The following TCTN2 variants were observed in gnomAD, a reference collection of about 807,000 sequenced individuals.
TCTN2 encodes tectonic family member 2, also known as tectonic-2.
A neutral mutation model predicts 83.4 loss-of-function variants in TCTN2; 66 were observed. The observed-to-expected ratio is 0.79, with a 90% CI of 0.65 to 0.97. The LOEUF is 0.97. Among genes scored for constraint, TCTN2 ranks in the 50% least tolerant of loss-of-function variants. The pLI is 0.00. For missense variants in TCTN2, 794 were observed against 858.1 expected, an observed-to-expected ratio of 0.93 and a Z score of 0.93; for synonymous variants, 301 against 326.7, an observed-to-expected ratio of 0.92 and a Z score of 0.85.
chr12:123,678,365 C>T (rs1178423406), intron 4 of TCTN2, among the ~76,000 whole-genome samples: 4 of 152,208 alleles, frequency 2.6e-5, no homozygotes, highest in Admixed American at 2.6e-4. Flanking sequence ...ACATTGATTG[C>T]CTGTTGCAAT....
At chr12:123,679,154 C>G in intron 4 of TCTN2, 35 bp from the exon 5 acceptor site, 1 of 1,552,600 alleles carries the variant, frequency 6.4e-7, no homozygotes, top group Non-Finnish European at 8.9e-7. Flanking sequence ...CGGAATGTTT[C>G]TTAGCTGAAT....
chr12:123,679,771 G>T (rs1230175962), intron 5 of TCTN2, among the ~76,000 whole-genome samples: 6 of 122,166 alleles, frequency 4.9e-5, no homozygotes, highest in Non-Finnish European at 9.6e-5. Flanking sequence ...ATGGAGTCTC[G>T]CTCTGTCGCC....
intron 4 of TCTN2, among the ~76,000 whole-genome samples, chr12:123,676,565 C>G (rs1345215817): frequency 6.6e-5 from 3 of 45,234 alleles, no homozygotes; most frequent in Non-Finnish European, 1.1e-4. Flanking sequence ...GAGACTCCAT[C>G]TAAAAAAAAA....
intron 11 of TCTN2, 49 bp downstream of exon 11, chr12:123,695,346 C>A: frequency 1.6e-6 from 2 of 1,227,426 alleles, no homozygotes; most frequent in South Asian, 1.2e-5. Context: ...TACTTTAGTT[C>A]AACACTCCCA....
intron 5 of TCTN2, among the ~76,000 whole-genome samples, chr12:123,683,196 C>T (rs2135828873): frequency 6.6e-6 from 1 of 152,030 alleles, no homozygotes; most frequent in Non-Finnish European, 1.5e-5. Context: ...GCACTCCAGC[C>T]TGGGCGACAG....
In TCTN2 at chr12:123,706,838, C is replaced by T. The variant is rs2135862503; in HGVS notation, c.1882C>T (p.His628Tyr). The T allele has an allele frequency of 1.9e-6, 3 of 1,614,182 alleles. No homozygotes were observed. The highest frequency in any genetic ancestry group is 1.7e-6 in the Non-Finnish European group (2 of 1,180,034). The part of the protein sequence containing the change: ...QFIKIPAQLP[H>Y]PLTRFQINYT... ...TATTAAAATTCCTGCACAGTTACCC[C>T]ACCCCCTGACAAGGTACTCCAGTTG... The change falls in exon 16 of 18, where the codon CAC becomes TAC. Residue 628 changes from histidine to tyrosine, a missense_variant. By Grantham distance (83) the His-to-Tyr change is moderately conservative. Coordinates refer to ENST00000303372, the MANE Select transcript of TCTN2 (RefSeq NM_024809.5).
At position 123,690,533 on chromosome 12, in the gene TCTN2, G is replaced by A. The variant is rs886049055; in HGVS notation, c.892G>A (p.Val298Met). 24 of 1,614,146 alleles carry A rather than the reference G, an allele frequency of 1.5e-5. No homozygotes were observed. In the East Asian group the frequency reaches 4.0e-4, roughly 27 times the overall value. The change falls in exon 8 of 18, where the codon GTG (valine) becomes ATG (methionine). Residue 298 changes from valine to methionine, a missense_variant and splice_region_variant. Physicochemically the swap from Val to Met is conservative, Grantham distance 21 (BLOSUM62 1). Transcript: ENST00000303372. ...TGTTGGCTTTGCCCTTCTCCCTCAG[G>A]TGTCCCTGGCTGGGCAGTGTATGCA... ...VKKAYFTIPQ[V>M]SLAGQCMQNA...
intron 8 of TCTN2, among the ~76,000 whole-genome samples, chr12:123,692,206 C>T (rs867099849): frequency 5.3e-5 from 8 of 151,866 alleles, no homozygotes; most frequent in South Asian, 2.1e-4. Flanking sequence ...CCACCACGCC[C>T]GGCTAATTTT....
chr12:123,705,759 CTTT>C (rs35532522), intron 15 of TCTN2, among the ~76,000 whole-genome samples: 3 of 140,846 alleles, frequency 2.1e-5, no homozygotes, highest in Non-Finnish European at 3.1e-5. Context: ...TTCTTTCTTT[CTTT>C]TTTTTTTTTT....
At chr12:123,695,076 C>G in intron 10 of TCTN2, 100 bp downstream of exon 10, 1 of 1,518,870 alleles carries the variant, frequency 6.6e-7, no homozygotes, top group Non-Finnish European at 9.1e-7. Flanking sequence ...CTAAGTTGGA[C>G]TTGTTTCTTA....
rs751117907 is a variant in TCTN2, at chr12:123,697,160, G to C, written c.1467G>C (p.Leu489=). Residue 489 remains leucine, a synonymous_variant, in exon 13 of 18, where the codon CTG becomes CTC. Coordinates refer to ENST00000303372, the MANE Select transcript of TCTN2 (RefSeq NM_024809.5). Reference sequence around the variant, plus strand: ...GAGAAAATGTACTCTCTGGATGCCTGTTAGAAGTCGGGATTAATGAAAATT... The same window carrying C: ...GAGAAAATGTACTCTCTGGATGCCTCTTAGAAGTCGGGATTAATGAAAATT... The part of the protein sequence containing the change: ...LFGENVLSGC[L]LEVGINENCT... The C allele has an allele frequency of 1.2e-6, 2 of 1,614,058 alleles. No individual in the cohort carries two copies. Among genetic ancestry groups the C allele is most frequent in the East Asian group, 4.5e-5 (2 of 44,858 alleles).
intron 14 of TCTN2, among the ~76,000 whole-genome samples, chr12:123,700,667 G>A (rs1297466550): frequency 2.6e-5 from 4 of 152,324 alleles, no homozygotes; most frequent in East Asian, 1.9e-4. Flanking sequence ...TCCTGACCCC[G>A]TGATCCACCT....
At chr12:123,707,256 GTTT>G in intron 17 of TCTN2, 183 bp downstream of exon 17, 1 of 527,552 alleles carries the variant, frequency 1.9e-6, no homozygotes, top group Non-Finnish European at 3.3e-6. Context: ...TACCTACACT[GTTT>G]TTTTTTTTAG....
intron 4 of TCTN2, among the ~76,000 whole-genome samples, chr12:123,677,285 T>C (rs191558800): frequency 6.6e-6 from 1 of 152,244 alleles, no homozygotes; most frequent in Admixed American, 6.5e-5. Context: ...ACCTTCTCCT[T>C]GTTCCGGATA....
chr12:123,697,409 GTTCATCCACATTTAAGCAAAT>G (rs1956122856), intron 13 of TCTN2, among the ~76,000 whole-genome samples: 1 of 152,208 alleles, frequency 6.6e-6, no homozygotes, highest in African/African-American at 2.4e-5. Flanking sequence ...ACTAAAGCCA[GTTCATCCACATTTAAGCAAAT>G]TTCATCCACA....
In TCTN2 at chr12:123,687,147, G is replaced by A. The variant is rs1269910402; in HGVS notation, c.764+112G>A. 4 of 1,232,022 alleles carry A rather than the reference G, an allele frequency of 3.2e-6. No individual in the cohort carries two copies. In the African/African-American group the frequency reaches 5.9e-5, roughly 18 times the overall value. 76.3% of individuals were successfully genotyped at this position (1,232,022 alleles called of 1,614,324 possible). A position where few individuals can be genotyped will look rare whatever the true frequency, so the allele number is the denominator to read the frequency against. On this transcript the variant is annotated intron_variant, in intron 6 of 17. Transcript: ENST00000303372. ...CGTTTTTCCCAACCCCTCTCCAGAG[G>A]TTCCGTGCCTAAAGGGTTCAATTCT...
intron 14 of TCTN2, among the ~76,000 whole-genome samples, chr12:123,703,401 C>T (rs539797525): frequency 2.0e-5 from 3 of 152,028 alleles, no homozygotes; most frequent in Non-Finnish European, 4.4e-5. Context: ...AGGCTGGTCT[C>T]GAACTCCTGA....
intron 4 of TCTN2, among the ~76,000 whole-genome samples, chr12:123,676,951 G>A (rs1955830901): frequency 6.6e-6 from 1 of 152,176 alleles, no homozygotes; most frequent in African/African-American, 2.4e-5. Context: ...GCCAAGATGG[G>A]AGGATCACTC....
chr12:123,697,260 A>T, intron 13 of TCTN2, 62 bp downstream of exon 13: 1 of 1,185,184 alleles, frequency 8.4e-7, no homozygotes, highest in Non-Finnish European at 1.3e-6. Flanking sequence ...TTAATTCACT[A>T]CATGAATATC....
Sources: gnomAD v4.1 joint callset for allele counts (sites outside exome capture counted in the v4.1 genomes callset) on GRCh38, gnomAD v4.1.1 for gene constraint, MANE v1.5 for transcripts, NCBI Gene and HGNC (gene_info 2026-07-23, HGNC 2026-07-21) for gene names.